TNIK: variants seen among roughly 807,000 people sequenced by gnomAD.
TNIK encodes TRAF2 and NCK interacting kinase, also known as TRAF2 and NCK-interacting protein kinase.
Under a neutral mutation model 191.3 loss-of-function variants are expected in TNIK, and 49 were observed. The observed-to-expected ratio is 0.26, with a 90% CI of 0.20 to 0.32. The LOEUF is 0.32. Ranked by LOEUF, TNIK falls within the 10% of genes least tolerant of loss-of-function variation. TNIK has a pLI of 1.00. For missense variants in TNIK, 1,155 were observed against 1,702.3 expected (o/e 0.68, Z 5.66); for synonymous variants, 594 against 600.9 (o/e 0.99, Z 0.17).
intron 22 of TNIK, among the ~76,000 whole-genome samples, chr3:171,097,834 T>TACAA (rs372461659): frequency 0.011 from 1,622 of 152,328 alleles, 10 homozygotes; most frequent in Non-Finnish European, 0.018. Flanking sequence ...AATGGGAATT[T>TACAA]ACAAACAAGC....
chr3:171,240,497 T>C (rs1208978423), intron 2 of TNIK, among the ~76,000 whole-genome samples: 1 of 152,164 alleles, frequency 6.6e-6, no homozygotes, highest in Non-Finnish European at 1.5e-5. Flanking sequence ...GTAAATGGTG[T>C]TATCACAGTG....
chr3:171,064,752 G>A (rs1718210348), intron 32 of TNIK, among the ~76,000 whole-genome samples: 2 of 152,148 alleles, frequency 1.3e-5, no homozygotes, highest in South Asian at 4.1e-4. Flanking sequence ...TAATATTTTG[G>A]GCTATGGCCT....
At chr3:171,383,738 G>A (rs979761686) in intron 1 of TNIK, among the ~76,000 whole-genome samples, 10 of 152,186 alleles carry the variant, frequency 6.6e-5, no homozygotes, top group African/African-American at 9.7e-5. Context: ...CAACAGTAAA[G>A]GTCATCTTGG....
rs1392576921 is a variant in TNIK at position 171,426,962 on chromosome 3, C to T, written c.57+33045G>A. Among the ~76,000 whole-genome samples, 3 of 152,112 alleles carry T rather than the reference C, an allele frequency of 2.0e-5. No homozygotes were observed. In the East Asian group the frequency reaches 5.8e-4, roughly 29 times the overall value. ...AATGGAAAACAGATGTAAGATCGTC[C>T]AAGATAAGTGGAAGTGCCCAGGGTC... On this transcript the variant is annotated intron_variant, in intron 1 of 32. Transcript: ENST00000436636.
chr3:171,274,230 A>G (rs1749452112), intron 2 of TNIK, among the ~76,000 whole-genome samples: 1 of 152,222 alleles, frequency 6.6e-6, no homozygotes, highest in Non-Finnish European at 1.5e-5. Flanking sequence ...AATTTTCTGT[A>G]ATTCTCAAGA....
chr3:171,416,989 T>C (rs1723171119), intron 1 of TNIK, among the ~76,000 whole-genome samples: 1 of 152,218 alleles, frequency 6.6e-6, no homozygotes, highest in Non-Finnish European at 1.5e-5. Context: ...AAATGGGTTG[T>C]TGAATTTTCG....
chr3:171,239,580 A>C (rs373389815), intron 2 of TNIK, among the ~76,000 whole-genome samples: 3 of 152,260 alleles, frequency 2.0e-5, no homozygotes, highest in African/African-American at 7.2e-5. Context: ...GCAATAGCAG[A>C]AGACCCAGAT....
At chr3:171,305,489 T>C (rs2108283852) in intron 2 of TNIK, among the ~76,000 whole-genome samples, 1 of 152,166 alleles carries the variant, frequency 6.6e-6, no homozygotes, top group African/African-American at 2.4e-5. Context: ...ATATCCAGAA[T>C]CCACAAGGAA....
intron 21 of TNIK, among the ~76,000 whole-genome samples, chr3:171,104,900 C>T (rs1049897356): frequency 5.3e-5 from 8 of 150,256 alleles, no homozygotes; most frequent in Middle Eastern, 3.4e-3. Flanking sequence ...TAAAAAACAG[C>T]GGTAAAAACA....
chr3:171,436,447 A>G (rs1726040307), intron 1 of TNIK, among the ~76,000 whole-genome samples: 1 of 152,226 alleles, frequency 6.6e-6, no homozygotes, highest in Admixed American at 6.5e-5. Context: ...AATTCCAGCA[A>G]TAGTCCTATG....
Position 171,402,001 on chromosome 3 carries a change from G to A in TNIK, c.58-32316C>T, listed in dbSNP as rs141319137. Among the ~76,000 whole-genome samples, 50 of 152,302 alleles carry A rather than the reference G, an allele frequency of 3.3e-4. No homozygotes were observed. The East Asian group carries it at 4.6e-3, about 14-fold the overall frequency. ...GTCAGCAGTTGCTTCTCAATTAACA[G>A]AGGAAAAATTCGAAAGCTATGTGGG... On this transcript the variant is annotated intron_variant, in intron 1 of 32. Coordinates refer to ENST00000436636, the MANE Select transcript of TNIK (RefSeq NM_015028.4).
At chr3:171,073,809 A>C (rs1382999193) in intron 28 of TNIK, among the ~76,000 whole-genome samples, 1 of 151,794 alleles carries the variant, frequency 6.6e-6, no homozygotes, top group Non-Finnish European at 1.5e-5. Context: ...ATGAGATGCC[A>C]TCTCACACCA....
At chr3:171,109,543 G>A (rs1467191018) in intron 19 of TNIK, among the ~76,000 whole-genome samples, 3 of 152,176 alleles carry the variant, frequency 2.0e-5, no homozygotes, top group Non-Finnish European at 4.4e-5. Flanking sequence ...AAGGGTGTTA[G>A]GAGATAAACT....
chr3:171,244,716 C>T (rs1355000766), intron 2 of TNIK, among the ~76,000 whole-genome samples: 1 of 151,798 alleles, frequency 6.6e-6, no homozygotes, highest in Non-Finnish European at 1.5e-5. Flanking sequence ...AAATGAACTT[C>T]ATTATTGTAT....
intron 2 of TNIK, among the ~76,000 whole-genome samples, chr3:171,238,032 C>T (rs554297426): frequency 2.0e-5 from 3 of 152,270 alleles, no homozygotes; most frequent in East Asian, 3.9e-4. Context: ...CCCAGATCTC[C>T]GCAAAGGCTG....
At chr3:171,318,135 AAAG>A (rs561144542) in intron 2 of TNIK, among the ~76,000 whole-genome samples, 45 of 152,306 alleles carry the variant, frequency 3.0e-4, no homozygotes, top group African/African-American at 9.6e-4. Context: ...CTCAGTGTAG[AAAG>A]AAGGAGAGTC....
chr3:171,223,058 A>T, intron 3 of TNIK, among the ~76,000 whole-genome samples: 1 of 152,250 alleles, frequency 6.6e-6, no homozygotes, highest in Non-Finnish European at 1.5e-5. Context: ...TTGTCACAGT[A>T]TTAAATTCCT....
intron 2 of TNIK, among the ~76,000 whole-genome samples, chr3:171,268,348 G>A (rs1329558499): frequency 6.6e-6 from 1 of 151,978 alleles, no homozygotes; most frequent in East Asian, 1.9e-4. Flanking sequence ...CGTAATATCT[G>A]ATCATCCTAG....
rs969492379 is a variant in TNIK at position 171,058,532 on chromosome 3, G to A, written c.*5349C>T. Among the ~76,000 whole-genome samples the A allele has an allele frequency of 1.3e-5, 2 of 152,110 alleles. No homozygotes were observed. The highest frequency in any genetic ancestry group is 3.8e-4 in the East Asian group (2 of 5,200). On this transcript the variant is annotated 3_prime_UTR_variant, in exon 33 of 33. Transcript: ENST00000436636. ...TTTTTAATGACTGCTTAGAATAACT[G>A]TAGAAAGTACTTTCTCAATGATTTT...
Sources: gnomAD v4.1 joint callset for allele counts (sites outside exome capture counted in the v4.1 genomes callset) on GRCh38, gnomAD v4.1.1 for gene constraint, MANE v1.5 for transcripts, NCBI Gene and HGNC (gene_info 2026-07-23, HGNC 2026-07-21) for gene names.